Variants in MPP4 observed in about 807,000 individuals in gnomAD.
MPP4 encodes the protein MAGUK p55 subfamily member 4.
A neutral mutation model predicts 98.3 loss-of-function variants in MPP4; 91 were observed. The ratio of observed to expected loss-of-function variants is 0.93; its 90% confidence interval spans 0.78 to 1.10. The LOEUF is 1.10. MPP4 is among the 50% of genes least tolerant of loss of function. MPP4 has a pLI of 0.00. For synonymous variants in MPP4, 261 were observed against 271.8 expected (o/e 0.96, Z 0.39); for missense variants, 744 against 792.9 (o/e 0.94, Z 0.74).
intron 21 of MPP4, among the ~76,000 whole-genome samples, chr2:201,647,283 C>T (rs1687589373): frequency 6.6e-6 from 1 of 152,018 alleles, no homozygotes; most frequent in Non-Finnish European, 1.5e-5. Context: ...ATACAAACAC[C>T]AGGCTCATAC....
chr2:201,687,260 G>A, intron 5 of MPP4, 31 bp downstream of exon 5: 2 of 1,531,354 alleles, frequency 1.3e-6, no homozygotes, highest in Non-Finnish European at 1.8e-6. Flanking sequence ...TGCCAGATGG[G>A]GACATCTTTT....
chr2:201,654,715 C>G, intron 18 of MPP4, 122 bp downstream of exon 18: 1 of 543,220 alleles, frequency 1.8e-6, no homozygotes, highest in African/African-American at 2.0e-5. Context: ...GTTAGAAATA[C>G]TTAAGAACTA....
rs1688568575 is a variant in MPP4, at chr2:201,678,198, G to A, written c.929+2640C>T. 2.0e-5 allele frequency among the ~76,000 whole-genome samples: 3 copies of A among 151,974 alleles called. No homozygotes were observed. The South Asian group carries it at 6.2e-4, about 32-fold the overall frequency. On this transcript the variant is annotated intron_variant, in intron 10 of 21. Coordinates refer to ENST00000409474, the MANE Select transcript of MPP4 (RefSeq NM_033066.3). ...CAAGAAACCCATAATTGGGTTTTGT[G>A]TGCTCCTTGCAAGGCCCCTGCCAGA... is the stretch of plus-strand genomic sequence containing the variant.
At chr2:201,684,250 A>G (rs536712287) in intron 7 of MPP4, among the ~76,000 whole-genome samples, 7 of 152,118 alleles carry the variant, frequency 4.6e-5, no homozygotes, top group African/African-American at 1.7e-4. Context: ...TTAGAAGAAC[A>G]GCAGTGAAAG....
intron 1 of MPP4, among the ~76,000 whole-genome samples, chr2:201,694,826 C>A (rs1689136657): frequency 6.6e-6 from 1 of 151,786 alleles, no homozygotes; most frequent in Non-Finnish European, 1.5e-5. Context: ...CACTATGTTG[C>A]CCAGGCTGGT....
intron 10 of MPP4, among the ~76,000 whole-genome samples, chr2:201,678,173 C>G (rs569326701): frequency 6.6e-6 from 1 of 152,072 alleles, no homozygotes; most frequent in Admixed American, 6.5e-5. Context: ...TGTGCCCCCC[C>G]AAGAAACCCA....
In MPP4 at chr2:201,649,583, T is replaced by C. The variant is rs543230846; in HGVS notation, c.1577A>G (p.Glu526Gly). 3.1e-6 allele frequency: 5 copies of C among 1,600,366 alleles called. No homozygotes were observed. The South Asian group carries it at 3.4e-5, about 11-fold the overall frequency. ...VEGKICVMDLEPQDIQGVRTH... is the reference protein window; with the variant it reads ...VEGKICVMDLGPQDIQGVRTH... ...ATTCCACCATGGACCCACCTGAGGC[T>C]CTAGGTCCATGACACAGATCTTTCC... Residue 526 changes from glutamate (E) to glycine (G), a missense_variant, in exon 20 of 22, where the codon GAG becomes GGG. Coordinates refer to ENST00000409474, the MANE Select transcript of MPP4 (RefSeq NM_033066.3).
At chr2:201,689,559 T>TGGTGA (rs1688944971) in intron 4 of MPP4, among the ~76,000 whole-genome samples, 1 of 151,824 alleles carries the variant, frequency 6.6e-6, no homozygotes, top group African/African-American at 2.4e-5. Flanking sequence ...TGGTATGGGG[T>TGGTGA]GGTGAGATCC....
At chr2:201,672,780 A>AG (rs796652419) in intron 11 of MPP4, among the ~76,000 whole-genome samples, 5 of 151,058 alleles carry the variant, frequency 3.3e-5, no homozygotes, top group African/African-American at 1.2e-4. Flanking sequence ...ACCAAAAAAA[A>AG]GCCCAGGACC....
intron 15 of MPP4, 113 bp from the exon 16 acceptor site, chr2:201,658,631 A>G: frequency 1.2e-6 from 1 of 843,070 alleles, no homozygotes; most frequent in Non-Finnish European, 1.8e-6. Flanking sequence ...AGACGGCAGC[A>G]GAGTTGAATT....
chr2:201,661,631 A>G (rs1393979611), intron 14 of MPP4: 6 of 455,086 alleles, frequency 1.3e-5, no homozygotes, highest in Non-Finnish European at 8.8e-6. Flanking sequence ...AATGCCCGCT[A>G]ACACTTGTGT....
At chr2:201,698,559 CTG>C (rs1202880955) in intron 1 of MPP4, 26 bp downstream of exon 1, 1 of 1,302,036 alleles carries the variant, frequency 7.7e-7, no homozygotes, top group Non-Finnish European at 1.0e-6. Flanking sequence ...CTTCTGGTAA[CTG>C]AGGATTATTT....
intron 1 of MPP4, chr2:201,698,141 T>C: frequency 1.3e-6 from 1 of 743,610 alleles, no homozygotes; most frequent in Non-Finnish European, 1.5e-6. Flanking sequence ...CTAAATCTTG[T>C]TTTAAAAGTA....
At chr2:201,669,780 G>T in intron 11 of MPP4, 30 bp from the exon 12 acceptor site, 1 of 1,370,256 alleles carries the variant, frequency 7.3e-7, no homozygotes, top group Non-Finnish European at 9.6e-7. Context: ...TGAAGCAGGG[G>T]GGATAAAAAG....
chr2:201,690,282 G>A lies in MPP4; in HGVS notation c.202-3C>T, dbSNP rs1574637563. On this transcript the variant is annotated splice_polypyrimidine_tract_variant and splice_region_variant and intron_variant, in intron 3 of 21. Coordinates refer to ENST00000409474, the MANE Select transcript of MPP4 (RefSeq NM_033066.3). ...AATTCCTGGAGGCAGTCATAAATCT[G>A]CAGAAGGACAAGGGAGGGAGAATTG... 1 of 1,592,616 alleles carries A rather than the reference G, an allele frequency of 6.3e-7. No homozygotes were observed. The highest frequency in any genetic ancestry group is 1.7e-4 in the Middle Eastern group (1 of 6,024).
chr2:201,664,919 G>C (rs1282095911), intron 13 of MPP4: 2 of 166,826 alleles, frequency 1.2e-5, no homozygotes, highest in African/African-American at 4.8e-5. Flanking sequence ...CTAAGATAGA[G>C]TCACCTCCAA....
At chr2:201,657,608 T>TTTTTTTTTTTTTTTTTTTTTC (rs773956676) in intron 16 of MPP4, among the ~76,000 whole-genome samples, 1 of 125,290 alleles carries the variant, frequency 8.0e-6, no homozygotes, top group Non-Finnish European at 1.7e-5. Flanking sequence ...TTTGTTTTTT[T>TTTTTTTTTTTTTTTTTTTTTC]GTTTTTTTTT....
chr2:201,682,983 C>T (rs1447190306), intron 7 of MPP4, 67 bp from the exon 8 acceptor site: 12 of 1,207,306 alleles, frequency 9.9e-6, no homozygotes, highest in Middle Eastern at 3.8e-4. Context: ...CAGTAGCTAC[C>T]TCGATAGCTA....
chr2:201,675,348 A>G, intron 10 of MPP4, 77 bp from the exon 11 acceptor site: 1 of 1,369,528 alleles, frequency 7.3e-7, no homozygotes, highest in Non-Finnish European at 1.0e-6. Context: ...ACAGACCCAG[A>G]GCAACGACAA....
Sources: gnomAD v4.1 joint callset for allele counts (sites outside exome capture counted in the v4.1 genomes callset) on GRCh38, gnomAD v4.1.1 for gene constraint, MANE v1.5 for transcripts, NCBI Gene and HGNC (gene_info 2026-07-23, HGNC 2026-07-21) for gene names.